Variants in SLC9A9 observed in about 807,000 individuals in gnomAD.
SLC9A9 encodes the protein sodium/hydrogen exchanger 9.
SLC9A9 carries 62 observed loss-of-function variants against 77.8 expected under a neutral mutation model. The ratio of observed to expected loss-of-function variants is 0.80; its 90% CI spans 0.65 to 0.98. SLC9A9 has a LOEUF of 0.98. Among genes scored for constraint, SLC9A9 ranks in the 50% least tolerant of loss-of-function variants. SLC9A9 has a pLI of 0.00. For synonymous variants in SLC9A9, 320 were observed against 283.5 expected (o/e 1.13, Z -1.29); for missense variants, 775 against 774.9 (o/e 1.00, Z 0.00).
At chr3:143,427,314 T>C (rs1371467452) in intron 12 of SLC9A9, among the ~76,000 whole-genome samples, 1 of 152,196 alleles carries the variant, frequency 6.6e-6, no homozygotes, top group Non-Finnish European at 1.5e-5. Flanking sequence ...ATCTAAGAAA[T>C]GATACCAGTA....
chr3:143,619,073 A>T (rs1195255565), intron 6 of SLC9A9, among the ~76,000 whole-genome samples: 1 of 152,206 alleles, frequency 6.6e-6, no homozygotes, highest in Non-Finnish European at 1.5e-5. Flanking sequence ...CCTCTATCTA[A>T]CTCATTCAGA....
chr3:143,543,871 G>A lies in SLC9A9; in HGVS notation c.1089+8491C>T, dbSNP rs138065340. Among the ~76,000 whole-genome samples, 355 of 152,174 alleles carry A rather than the reference G, an allele frequency of 2.3e-3. 2 individuals are homozygous for A. The highest frequency in any genetic ancestry group is 8.2e-3 in the African/African-American group (341 of 41,512). ...ACATATGAATGCATGATTTTTCATA[G>A]ACTAATTTTCCTTTGGATATATACC... is the stretch of plus-strand genomic sequence containing the variant. On this transcript the variant is annotated intron_variant, in intron 9 of 15. Transcript: ENST00000316549.
intron 9 of SLC9A9, among the ~76,000 whole-genome samples, chr3:143,526,950 A>T (rs2036418062): frequency 6.6e-6 from 1 of 152,170 alleles, no homozygotes; most frequent in South Asian, 2.1e-4. Context: ...CTATATATAG[A>T]TAAGTGTGAC....
chr3:143,666,212 A>T (rs895512028), intron 5 of SLC9A9, among the ~76,000 whole-genome samples: 1 of 152,210 alleles, frequency 6.6e-6, no homozygotes, highest in Non-Finnish European at 1.5e-5. Context: ...TCCATCATAT[A>T]AACAGAACCA....
chr3:143,517,837 C>T lies in SLC9A9; in HGVS notation c.1090-22389G>A, dbSNP rs184012507. On this transcript the variant is annotated intron_variant, in intron 9 of 15. Transcript: ENST00000316549. ...CATCTGTGAATAAGTCAATGGCTTT[C>T]TGGAGTTCACCATCGTTTAGGGCTT... 370 of 1,601,334 alleles carry T rather than the reference C, an allele frequency of 2.3e-4. 4 individuals carry two copies. The East Asian group carries it at 8.2e-3, about 35-fold the overall frequency.
chr3:143,469,319 C>A (rs181296267), intron 11 of SLC9A9, among the ~76,000 whole-genome samples: 1 of 152,098 alleles, frequency 6.6e-6, no homozygotes, highest in Non-Finnish European at 1.5e-5. Context: ...GGGTAACACA[C>A]GACATGCAAG....
chr3:143,501,174 T>C (rs565382934), intron 9 of SLC9A9, among the ~76,000 whole-genome samples: 1 of 150,790 alleles, frequency 6.6e-6, no homozygotes, highest in South Asian at 2.1e-4. Flanking sequence ...ATCCATAATA[T>C]AAGAAATAGT....
At chr3:143,847,744 A>AT (rs2108903278) in intron 1 of SLC9A9, 1 of 210,632 alleles carries the variant, frequency 4.7e-6, no homozygotes, top group East Asian at 1.1e-4. Context: ...TACTCCAGGC[A>AT]TTTTGAAGTG....
chr3:143,716,664 T>A (rs373535899), intron 4 of SLC9A9, among the ~76,000 whole-genome samples: 1 of 152,220 alleles, frequency 6.6e-6, no homozygotes, highest in East Asian at 1.9e-4. Flanking sequence ...AGAATAGGGT[T>A]ACCAGTTCAA....
At chr3:143,758,148 C>T in intron 4 of SLC9A9, among the ~76,000 whole-genome samples, 1 of 152,182 alleles carries the variant, frequency 6.6e-6, no homozygotes, top group East Asian at 1.9e-4. Context: ...CTCAGTTCTA[C>T]ATAATGAGGC....
At chr3:143,666,233 C>A (rs996466430) in intron 5 of SLC9A9, among the ~76,000 whole-genome samples, 3 of 152,144 alleles carry the variant, frequency 2.0e-5, no homozygotes, top group Admixed American at 2.0e-4. Context: ...AAGACAAAAA[C>A]CACATGATTA....
chr3:143,462,404 A>G (rs2035208701), intron 12 of SLC9A9, among the ~76,000 whole-genome samples: 1 of 152,186 alleles, frequency 6.6e-6, no homozygotes, highest in African/African-American at 2.4e-5. Context: ...GGATTGCACT[A>G]TCTAAAAGTT....
At chr3:143,367,443 G>A (rs2032941707) in intron 13 of SLC9A9, among the ~76,000 whole-genome samples, 1 of 152,076 alleles carries the variant, frequency 6.6e-6, no homozygotes, top group Non-Finnish European at 1.5e-5. Context: ...AATATCTTTT[G>A]GCCCAGTTCT....
intron 4 of SLC9A9, among the ~76,000 whole-genome samples, chr3:143,698,463 T>C (rs1160510713): frequency 6.6e-6 from 1 of 152,176 alleles, no homozygotes; most frequent in Non-Finnish European, 1.5e-5. Context: ...ATAGAAGGCA[T>C]TGCATAAAAG....
chr3:143,307,331 C>G (rs2030832328), intron 14 of SLC9A9, among the ~76,000 whole-genome samples: 1 of 152,240 alleles, frequency 6.6e-6, no homozygotes, highest in Non-Finnish European at 1.5e-5. Flanking sequence ...GGAGGTATCT[C>G]TAATCTGTCC....
chr3:143,446,145 T>G (rs2034836941), intron 12 of SLC9A9, among the ~76,000 whole-genome samples: 1 of 151,704 alleles, frequency 6.6e-6, no homozygotes, highest in African/African-American at 2.4e-5. Context: ...GACAAAATAA[T>G]GATATGAGGG....
intron 4 of SLC9A9, among the ~76,000 whole-genome samples, chr3:143,716,527 G>T (rs533420865): frequency 6.6e-6 from 1 of 152,204 alleles, no homozygotes; most frequent in East Asian, 1.9e-4. Context: ...GGCCAACATT[G>T]GTCAGGGAGA....
rs1208744093 is a variant in SLC9A9 at position 143,358,034 on chromosome 3, T to A, written c.1604+5450A>T. 3.9e-5 allele frequency among the ~76,000 whole-genome samples: 6 copies of A among 152,092 alleles called. No individual in the cohort carries two copies. The East Asian group carries it at 1.2e-3, about 29-fold the overall frequency. On this transcript the variant is annotated intron_variant, in intron 14 of 15. Coordinates refer to ENST00000316549, the MANE Select transcript of SLC9A9 (RefSeq NM_173653.4). The stretch of plus-strand genomic sequence containing the variant: ...GGAAGGTTTTTCTTTCCTTTTTTTT[T>A]TTTTTAGTTAAGACTAAAATGCCAT...
At chr3:143,341,028 AAG>A (rs1414700724) in intron 14 of SLC9A9, among the ~76,000 whole-genome samples, 2 of 152,214 alleles carry the variant, frequency 1.3e-5, no homozygotes, top group East Asian at 3.9e-4. Flanking sequence ...GAAAGTTCTA[AAG>A]AAATCTTTAA....
Sources: gnomAD v4.1 joint callset for allele counts (sites outside exome capture counted in the v4.1 genomes callset) on GRCh38, gnomAD v4.1.1 for gene constraint, MANE v1.5 for transcripts, NCBI Gene and HGNC (gene_info 2026-07-23, HGNC 2026-07-21) for gene names.